Variants in BIRC3 observed in about 807,000 individuals in gnomAD.
The protein encoded by BIRC3 is baculoviral IAP repeat-containing protein 3.
In BIRC3, 26 loss-of-function variants were observed where a neutral mutation model predicts 59.0. The observed-to-expected ratio is 0.44, with a 90% CI of 0.32 to 0.61. BIRC3 has a LOEUF of 0.61. Ranked by LOEUF, BIRC3 falls within the 20% of genes least tolerant of loss-of-function variation. BIRC3 has a pLI of 0.04. For missense variants in BIRC3, 641 were observed against 711.5 expected (o/e 0.90, Z 1.13); for synonymous variants, 243 against 249.2 (o/e 0.98, Z 0.24).
intron 1 of BIRC3, among the ~76,000 whole-genome samples, chr11:102,320,720 A>G (rs866268766): frequency 6.6e-6 from 1 of 152,202 alleles, no homozygotes; most frequent in African/African-American, 2.4e-5. Context: ...TGATGGACAC[A>G]TGTGTTACAT....
chr11:102,325,313 T>A lies in BIRC3; in HGVS notation c.804T>A (p.Ser268Arg). ...RFKTFFNWPS[S>R]VLVNPEQLAS... ...AAACATTCTTTAACTGGCCCTCTAGTGTTCTAGTTAATCCTGAGCAGCTTG... is the reference window on the plus strand; with the variant it reads ...AAACATTCTTTAACTGGCCCTCTAGAGTTCTAGTTAATCCTGAGCAGCTTG... The change falls in exon 2 of 9, where the codon AGT (serine) becomes AGA (arginine). Residue 268 changes from serine (S) to arginine (R), a missense_variant. Physicochemically the swap from Ser to Arg is moderately radical, Grantham distance 110. Transcript: ENST00000263464. 1 of 1,613,524 alleles carries A rather than the reference T, an allele frequency of 6.2e-7. No homozygotes were observed. The highest frequency in any genetic ancestry group is 8.5e-7 in the Non-Finnish European group (1 of 1,179,714).
At chr11:102,334,344 T>C (rs1309927693) in intron 6 of BIRC3, among the ~76,000 whole-genome samples, 1 of 152,224 alleles carries the variant, frequency 6.6e-6, no homozygotes, top group African/African-American at 2.4e-5. Flanking sequence ...TTATGGAGCA[T>C]TAACTTTGTG....
In BIRC3 at chr11:102,322,488, G is replaced by C. The variant is rs1951040580; in HGVS notation, c.-2022G>C. On this transcript the variant is annotated 5_prime_UTR_variant, in exon 2 of 9. An upstream start codon of the reference 5' UTR is lost. Transcript: ENST00000263464. ...TAAATGGGCTGTTACCGCTGAGAATGATGAGGATGAGAATGATGGTTGAAG... is the reference window on the plus strand; with the variant it reads ...TAAATGGGCTGTTACCGCTGAGAATCATGAGGATGAGAATGATGGTTGAAG... 4.9e-6 allele frequency: 1 copy of C among 205,680 alleles called. No individual in the cohort carries two copies. Among genetic ancestry groups the C allele is most frequent in the Non-Finnish European group, 9.9e-6 (1 of 100,728 alleles). 12.7% of individuals were successfully genotyped at this position (205,680 alleles called of 1,614,324 possible).
At position 102,335,999 on chromosome 11, in the gene BIRC3, C is replaced by A; in HGVS notation, c.1358C>A (p.Ala453Glu). ...DLLLIRKNRM[A>E]LFQHLTCVIP... ...TTATTAATCCGGAAGAATAGAATGGCACTTTTTCAACATTTGACTTGTGTA... is the reference window on the plus strand; with the variant it reads ...TTATTAATCCGGAAGAATAGAATGGAACTTTTTCAACATTTGACTTGTGTA... Residue 453 changes from alanine to glutamate, a missense_variant, in exon 7 of 9, where the codon GCA (alanine) becomes GAA (glutamate). Coordinates refer to ENST00000263464, the MANE Select transcript of BIRC3 (RefSeq NM_001165.5). 2 of 1,610,992 alleles carry A rather than the reference C, an allele frequency of 1.2e-6. No homozygotes were observed. The highest frequency in any genetic ancestry group is 1.7e-6 in the Non-Finnish European group (2 of 1,178,710).
chr11:102,319,713 A>AG (rs141043660), intron 1 of BIRC3, among the ~76,000 whole-genome samples: 2,863 of 152,294 alleles, frequency 0.019, 109 homozygotes, highest in African/African-American at 0.065. Flanking sequence ...TGCATAGGGC[A>AG]TGGGCTAGGG....
chr11:102,324,697 A>T lies in BIRC3; in HGVS notation c.188A>T (p.Lys63Met), dbSNP rs1174684503. 1.8e-5 allele frequency: 29 copies of T among 1,614,082 alleles called. No homozygotes were observed. Among genetic ancestry groups the T allele is most frequent in the Non-Finnish European group, 2.5e-5 (29 of 1,180,032 alleles). ...TTCTATTACACTGGTGTGAATGACAAGGTCAAATGCTTCTGTTGTGGCCTG... is the reference window on the plus strand; with the variant it reads ...TTCTATTACACTGGTGTGAATGACATGGTCAAATGCTTCTGTTGTGGCCTG... ...AGFYYTGVND[K>M]VKCFCCGLML... The change falls in exon 2 of 9, where the codon AAG becomes ATG. Residue 63 changes from lysine (K) to methionine (M), a missense_variant. By Grantham distance (95) the Lys-to-Met change is moderately conservative. This residue lies in a region of BIRC3 where 329 missense variants were observed against 365.6 expected (regional missense o/e 0.90). Coordinates refer to ENST00000263464, the MANE Select transcript of BIRC3 (RefSeq NM_001165.5).
At chr11:102,329,105 A>G (rs961787525) in intron 5 of BIRC3, among the ~76,000 whole-genome samples, 160 bp downstream of exon 5, 3 of 152,168 alleles carry the variant, frequency 2.0e-5, no homozygotes, top group Non-Finnish European at 4.4e-5. Flanking sequence ...TTCAGTGCAT[A>G]TCAGAGTTGC....
At chr11:102,331,325 A>G in intron 6 of BIRC3, 84 bp downstream of exon 6, 1 of 1,319,358 alleles carries the variant, frequency 7.6e-7, no homozygotes. Context: ...CATCTAGCAT[A>G]TCTGAAAATA....
intron 1 of BIRC3, among the ~76,000 whole-genome samples, chr11:102,317,919 C>CAG (rs1471633309): frequency 1.6e-4 from 25 of 152,134 alleles, no homozygotes; most frequent in Admixed American, 1.6e-3. Flanking sequence ...GAGCCTAAGG[C>CAG]AGAGCTCTGG....
chr11:102,336,412 C>T (rs996582538), intron 7 of BIRC3, 192 bp downstream of exon 7: 12 of 640,854 alleles, frequency 1.9e-5, no homozygotes, highest in Admixed American at 6.7e-5. Context: ...GACAACGTGG[C>T]GAGACCCCAT....
intron 3 of BIRC3, among the ~76,000 whole-genome samples, chr11:102,327,363 G>A (rs893060457): frequency 2.0e-5 from 3 of 152,106 alleles, no homozygotes; most frequent in African/African-American, 4.8e-5. Context: ...TGAAGTGGTC[G>A]GGTGCAGTGG....
At chr11:102,318,110 T>A in intron 1 of BIRC3, among the ~76,000 whole-genome samples, 1 of 152,312 alleles carries the variant, frequency 6.6e-6, no homozygotes, top group African/African-American at 2.4e-5. Flanking sequence ...TAATATTAAA[T>A]ATTGACTTTA....
At chr11:102,318,629 G>C (rs1175914079) in intron 1 of BIRC3, among the ~76,000 whole-genome samples, 2 of 152,198 alleles carry the variant, frequency 1.3e-5, no homozygotes, top group Non-Finnish European at 2.9e-5. Context: ...TGGATGTGCT[G>C]CATGCCCAAA....
rs11403428 is a variant in BIRC3 at position 102,339,210 on chromosome 11, GTTTT to G, written c.*2116_*2119del. On this transcript the variant is annotated 3_prime_UTR_variant, in exon 9 of 9. Coordinates refer to ENST00000263464, the MANE Select transcript of BIRC3 (RefSeq NM_001165.5). ...AGTAGGCACCCTTTTTGCACCATGT[GTTTT>G]TTTTTTTATCTAGTTCTTGTATACT... 1.1e-5 allele frequency: 2 copies of G among 182,088 alleles called. No homozygotes were observed. Among genetic ancestry groups the G allele is most frequent in the Non-Finnish European group, 1.1e-5 (1 of 87,280 alleles). 11.3% of individuals were successfully genotyped at this position (182,088 alleles called of 1,614,324 possible). A position where few individuals can be genotyped will look rare whatever the true frequency, so the allele number is the denominator to read the frequency against.
chr11:102,337,624 G>A lies in BIRC3; in HGVS notation c.*522G>A, dbSNP rs773126554. The A allele has an allele frequency of 1.4e-5, 5 of 354,264 alleles. No homozygotes were observed. The highest frequency in any genetic ancestry group is 2.1e-5 in the African/African-American group (1 of 47,842). The allele number at this position is 354,264 out of a possible 1,614,324, so 21.9% of individuals were successfully genotyped here. A position where few individuals can be genotyped will look rare whatever the true frequency, so the allele number is the denominator to read the frequency against. ...CATTTCTCTGTCTTTTTTGATCAGT[G>A]TCCTATACATCGAAGGTGTGCATAT... On this transcript the variant is annotated 3_prime_UTR_variant, in exon 9 of 9. Coordinates refer to ENST00000263464, the MANE Select transcript of BIRC3 (RefSeq NM_001165.5).
intron 3 of BIRC3, chr11:102,326,963 G>A (rs183454634): frequency 1.7e-5 from 6 of 344,948 alleles, no homozygotes; most frequent in East Asian, 8.0e-5. Context: ...GTGCTTGCCC[G>A]GCCAACATCA....
At chr11:102,321,043 A>C (rs773299857) in intron 1 of BIRC3, among the ~76,000 whole-genome samples, 4 of 152,270 alleles carry the variant, frequency 2.6e-5, no homozygotes, top group Non-Finnish European at 4.4e-5. Flanking sequence ...ATTAATGGTA[A>C]GATTTAAAAA....
chr11:102,327,638 TA>T (rs879364900), intron 3 of BIRC3, among the ~76,000 whole-genome samples: 183 of 142,710 alleles, frequency 1.3e-3, no homozygotes, highest in East Asian at 1.4e-3. Flanking sequence ...AGACTCTGTC[TA>T]AAAAAAAAAA....
At chr11:102,320,051 TAG>T (rs896748820) in intron 1 of BIRC3, 3 of 151,940 alleles carry the variant, frequency 2.0e-5, no homozygotes, top group African/African-American at 7.3e-5. Flanking sequence ...GGATTTTTAG[TAG>T]AGACAGGGTT....
Sources: allele counts gnomAD v4.1 joint callset (sites outside exome capture counted in the v4.1 genomes callset), GRCh38; gene constraint gnomAD v4.1.1; regional missense constraint gnomAD v4.1.1; transcripts MANE v1.5; gene names NCBI Gene and HGNC (gene_info 2026-07-23, HGNC 2026-07-21).